The following B3GLCT variants were observed in gnomAD, a reference collection of about 807,000 sequenced individuals.
The protein encoded by B3GLCT is beta 3-glucosyltransferase.
In B3GLCT, 65 loss-of-function variants were observed where a neutral mutation model predicts 63.4. That is an observed-to-expected ratio of 1.03 (90% CI 0.84 to 1.26). The LOEUF is 1.26. Among genes scored for constraint, B3GLCT ranks in the 50% most tolerant of loss-of-function variants. The pLI is 0.00. For missense variants in B3GLCT, 577 were observed against 604.8 expected (o/e 0.95, Z 0.48); for synonymous variants, 233 against 219.2 (o/e 1.06, Z -0.55).
intron 1 of B3GLCT, among the ~76,000 whole-genome samples, chr13:31,200,502 G>T (rs1868595907): frequency 6.7e-6 from 1 of 150,240 alleles, no homozygotes; most frequent in African/African-American, 2.4e-5. Context: ...CAGGAAGCGC[G>T]CAGGAACTGT....
At position 31,269,539 on chromosome 13, in the gene B3GLCT, G is replaced by A. The variant is rs868589077; in HGVS notation, c.660+262G>A. Among the ~76,000 whole-genome samples, 3 of 152,096 alleles carry A rather than the reference G, an allele frequency of 2.0e-5. No individual in the cohort carries two copies. The South Asian group carries it at 6.2e-4, about 32-fold the overall frequency. On this transcript the variant is annotated intron_variant, in intron 8 of 14. Transcript: ENST00000343307. ...TTTAAGCTAGATGAATGGGTCCAGA[G>A]GTAGATTTCTAAAAAAATGCAAAAA...
At chr13:31,310,537 T>A (rs1200310123) in intron 12 of B3GLCT, among the ~76,000 whole-genome samples, 3 of 152,112 alleles carry the variant, frequency 2.0e-5, no homozygotes, top group Non-Finnish European at 4.4e-5. Context: ...AACACTGTAA[T>A]CCTCCCACCC....
chr13:31,296,465 G>A (rs986505776), intron 12 of B3GLCT, among the ~76,000 whole-genome samples: 17 of 152,184 alleles, frequency 1.1e-4, no homozygotes, highest in African/African-American at 4.1e-4. Context: ...AGAAGGGCAT[G>A]AATCCCATTT....
intron 4 of B3GLCT, among the ~76,000 whole-genome samples, chr13:31,233,621 G>A (rs1455434339): frequency 6.6e-6 from 1 of 152,074 alleles, no homozygotes; most frequent in African/African-American, 2.4e-5. Flanking sequence ...TAAGGATTTT[G>A]TACCTTGCAG....
At chr13:31,265,991 G>T (rs1183060124) in intron 7 of B3GLCT, among the ~76,000 whole-genome samples, 1 of 151,978 alleles carries the variant, frequency 6.6e-6, no homozygotes, top group Non-Finnish European at 1.5e-5. Flanking sequence ...GCTATTGGGG[G>T]CATGACTTAA....
At chr13:31,219,933 T>G (rs1869738768) in intron 2 of B3GLCT, among the ~76,000 whole-genome samples, 1 of 152,208 alleles carries the variant, frequency 6.6e-6, no homozygotes, top group South Asian at 2.1e-4. Context: ...TATTGAGCAT[T>G]TGCTTTGTGC....
At chr13:31,315,843 A>G (rs1874974166) in intron 12 of B3GLCT, among the ~76,000 whole-genome samples, 3 of 152,214 alleles carry the variant, frequency 2.0e-5, no homozygotes, top group South Asian at 2.1e-4. Context: ...CCACTGCTCT[A>G]TGCAGCCTCA....
At chr13:31,204,939 A>G (rs1868869791) in intron 1 of B3GLCT, among the ~76,000 whole-genome samples, 1 of 152,200 alleles carries the variant, frequency 6.6e-6, no homozygotes, top group African/African-American at 2.4e-5. Flanking sequence ...AGGTTTTTAA[A>G]AACAGTTTTA....
intron 12 of B3GLCT, among the ~76,000 whole-genome samples, chr13:31,290,812 C>T (rs949507314): frequency 1.3e-5 from 2 of 152,214 alleles, no homozygotes; most frequent in South Asian, 2.1e-4. Flanking sequence ...CTGTAGGTTG[C>T]CTGTTCACTC....
rs1355324960 is a variant in B3GLCT, at chr13:31,324,726, TTTTA to T, written c.1329+847_1329+850del. On this transcript the variant is annotated intron_variant, in intron 14 of 14. Coordinates refer to ENST00000343307, the MANE Select transcript of B3GLCT (RefSeq NM_194318.4). ...CTTTTTTTATGCCTTATTTATTTAT[TTTTA>T]TTTATTTATTTATTTTGAGATAGGG... 2.4e-3 allele frequency among the ~76,000 whole-genome samples: 368 copies of T among 152,248 alleles called. 2 individuals carry two copies. The highest frequency in any genetic ancestry group is 8.3e-3 in the African/African-American group (344 of 41,548).
At position 31,257,503 on chromosome 13, in the gene B3GLCT, C is replaced by T. The variant is rs115365836; in HGVS notation, c.460-3443C>T. ...TCAAGAAGAAAGTCATCATATGGATCTGTGAATCTAAATACATTTTTAATG... is the reference window on the plus strand; with the variant it reads ...TCAAGAAGAAAGTCATCATATGGATTTGTGAATCTAAATACATTTTTAATG... On this transcript the variant is annotated intron_variant, in intron 6 of 14. Coordinates refer to ENST00000343307, the MANE Select transcript of B3GLCT (RefSeq NM_194318.4). 6.6e-3 allele frequency among the ~76,000 whole-genome samples: 999 copies of T among 151,998 alleles called. 12 individuals are homozygous for T. Among genetic ancestry groups the T allele is most frequent in the African/African-American group, 0.023 (966 of 41,452 alleles).
At chr13:31,313,395 CAGGTTGAGGTGATGTCAGATGGAA>C (rs1172256314) in intron 12 of B3GLCT, among the ~76,000 whole-genome samples, 3 of 152,102 alleles carry the variant, frequency 2.0e-5, no homozygotes, top group African/African-American at 7.2e-5. Flanking sequence ...CAATAAACTA[CAGGTTGAGGTGATGTCAGATGGAA>C]ATGAGAAACT....
intron 6 of B3GLCT, among the ~76,000 whole-genome samples, chr13:31,257,250 TC>T (rs2137824007): frequency 6.6e-6 from 1 of 152,296 alleles, no homozygotes; most frequent in Admixed American, 6.5e-5. Context: ...AAGACAGTTT[TC>T]AAAATATACT....
intron 4 of B3GLCT, among the ~76,000 whole-genome samples, chr13:31,229,521 G>A (rs533822171): frequency 2.5e-4 from 38 of 152,274 alleles, no homozygotes; most frequent in African/African-American, 7.2e-4. Flanking sequence ...CAAGGTGGGC[G>A]GATCCCTTGA....
intron 4 of B3GLCT, among the ~76,000 whole-genome samples, chr13:31,238,813 G>A (rs1413164337): frequency 6.6e-6 from 1 of 152,146 alleles, no homozygotes; most frequent in East Asian, 1.9e-4. Flanking sequence ...TATTAATTGA[G>A]CATCTATGGT....
chr13:31,222,074 A>ATTTTTTTTTTTTTTTTTT (rs5802597), intron 2 of B3GLCT, among the ~76,000 whole-genome samples: 1 of 92,950 alleles, frequency 1.1e-5, no homozygotes, highest in Non-Finnish European at 2.2e-5. Context: ...TGTGCTCCTG[A>ATTTTTTTTTTTTTTTTTT]TTTTTTTTTT....
intron 2 of B3GLCT, among the ~76,000 whole-genome samples, chr13:31,217,930 A>T (rs1231013318): frequency 6.6e-6 from 1 of 152,192 alleles, no homozygotes; most frequent in Non-Finnish European, 1.5e-5. Context: ...TTGTTTCCAA[A>T]TGAATTTTAG....
rs763021799 is a variant in B3GLCT, at chr13:31,229,054, G to A, written c.161-131G>A. ...AAATTTTGTCTCTAGAATTACATAC[G>A]AATTGATTTTTTCCCATTAAGAGTT... On this transcript the variant is annotated intron_variant, in intron 3 of 14. Transcript: ENST00000343307. 97 of 665,076 alleles carry A rather than the reference G, an allele frequency of 1.5e-4. No individual in the cohort carries two copies. In the East Asian group the frequency reaches 1.7e-3, roughly 11 times the overall value. The allele number at this position is 665,076 out of a possible 1,614,324, so 41.2% of individuals were successfully genotyped here. A position where few individuals can be genotyped will look rare whatever the true frequency, so the allele number is the denominator to read the frequency against.
chr13:31,297,760 G>A (rs1441541843), intron 12 of B3GLCT, among the ~76,000 whole-genome samples: 2 of 152,110 alleles, frequency 1.3e-5, no homozygotes, highest in Non-Finnish European at 2.9e-5. Context: ...GCTTCACGTC[G>A]GGGTTCTTAC....
Sources: gnomAD v4.1 joint callset for allele counts (sites outside exome capture counted in the v4.1 genomes callset) on GRCh38, gnomAD v4.1.1 for gene constraint, MANE v1.5 for transcripts, NCBI Gene and HGNC (gene_info 2026-07-23, HGNC 2026-07-21) for gene names.